The following UBR1 variants were observed in gnomAD, a reference collection of about 807,000 sequenced individuals.
UBR1 encodes the protein ubiquitin protein ligase E3 component n-recognin 1.
Under a neutral mutation model 242.1 loss-of-function variants are expected in UBR1, and 102 were observed. That is an observed-to-expected ratio of 0.42 (90% CI 0.36 to 0.50). The LOEUF is 0.50. Ranked by LOEUF, UBR1 falls within the 20% of genes least tolerant of loss-of-function variation. The pLI, the probability that UBR1 is intolerant of heterozygous loss-of-function variation, is 0.01. For synonymous variants in UBR1, 675 were observed against 684.8 expected, an observed-to-expected ratio of 0.99 and a Z score of 0.22; for missense variants, 1,772 against 2,101.8, an observed-to-expected ratio of 0.84 and a Z score of 3.07.
intron 46 of UBR1, among the ~76,000 whole-genome samples, chr15:42,947,156 A>C (rs554574184): frequency 2.6e-5 from 4 of 152,222 alleles, no homozygotes; most frequent in Non-Finnish European, 5.9e-5. Flanking sequence ...AGAAAAAAAA[A>C]GTTTCAAGTA....
rs752370199 is a variant in UBR1 at position 43,086,187 on chromosome 15, T to C, written c.135A>G (p.Gln45=). The C allele has an allele frequency of 1.9e-6, 3 of 1,614,092 alleles. No individual in the cohort carries two copies. The highest frequency in any genetic ancestry group is 2.2e-5 in the East Asian group (1 of 44,866). ...FYTAFLHHLA[Q]LVPEIYFAEM... is the part of the protein sequence containing the mutation. ...CAGCAAAGTAAATTTCTGGCACCAA[T>C]TGTGCCAAATGATGCAAGAAAGCAG... The change falls in exon 2 of 47, where the codon CAA becomes CAG. Residue 45 remains glutamine (Q), a synonymous_variant. Coordinates refer to ENST00000290650, the MANE Select transcript of UBR1 (RefSeq NM_174916.3).
chr15:42,987,711 C>A (rs1187723138), intron 35 of UBR1, among the ~76,000 whole-genome samples: 668 of 54,508 alleles, frequency 0.012, 1 homozygote, highest in South Asian at 0.019. Context: ...GACTCTGTCT[C>A]AAAAAAAAAA....
chr15:42,966,209 G>C lies in UBR1; in HGVS notation c.4535C>G (p.Ala1512Gly), dbSNP rs570338626. The change falls in exon 41 of 47, where the codon GCT becomes GGT. Residue 1512 changes from alanine (A) to glycine (G), a missense_variant. This residue lies in a region of UBR1 where 965 missense variants were observed against 1,079.7 expected (regional missense o/e 0.89). Coordinates refer to ENST00000290650, the MANE Select transcript of UBR1 (RefSeq NM_174916.3). The stretch of plus-strand genomic sequence containing the variant: ...AAGTAAATAGTGGAAAAACAATGCA[G>C]CACAGCGAAGATAAGGGGTGATGCC... Reference protein sequence around the residue: ...KNGITPYLRCAALFFHYLLGV... With the variant: ...KNGITPYLRCGALFFHYLLGV... The C allele has an allele frequency of 1.2e-6, 2 of 1,614,096 alleles. No homozygotes were observed. The highest frequency in any genetic ancestry group is 2.2e-5 in the East Asian group (1 of 44,882).
intron 44 of UBR1, among the ~76,000 whole-genome samples, chr15:42,957,423 C>T (rs2031940842): frequency 6.6e-6 from 1 of 152,120 alleles, no homozygotes; most frequent in Admixed American, 6.6e-5. Context: ...AGTTTGCAAA[C>T]TAAAGAGGTG....
intron 6 of UBR1, among the ~76,000 whole-genome samples, chr15:43,064,780 T>C (rs2033732599): frequency 6.6e-6 from 1 of 151,880 alleles, no homozygotes; most frequent in African/African-American, 2.4e-5. Flanking sequence ...TTCACCAGGT[T>C]GGCCAGACTA....
intron 35 of UBR1, among the ~76,000 whole-genome samples, chr15:42,985,200 G>A (rs1472673946): frequency 2.0e-5 from 3 of 152,056 alleles, no homozygotes; most frequent in African/African-American, 7.2e-5. Context: ...AAGAATGCTT[G>A]GGAAAAACAA....
At chr15:43,048,361 C>CT in intron 13 of UBR1, 31 bp downstream of exon 13, 1 of 1,537,580 alleles carries the variant, frequency 6.5e-7, no homozygotes, top group Non-Finnish European at 8.9e-7. Flanking sequence ...AAATAAATTT[C>CT]TTTTACTGAT....
intron 29 of UBR1, chr15:43,011,934 T>C (rs1238775383): frequency 2.2e-6 from 1 of 453,146 alleles, no homozygotes; most frequent in Non-Finnish European, 4.4e-6. Context: ...TGATGTAGAA[T>C]CTACATTATA....
chr15:42,989,311 C>T (rs1156757073), intron 34 of UBR1, among the ~76,000 whole-genome samples: 1 of 152,168 alleles, frequency 6.6e-6, no homozygotes, highest in Non-Finnish European at 1.5e-5. Flanking sequence ...TTCAGAGGAA[C>T]AGATCTAACC....
intron 6 of UBR1, among the ~76,000 whole-genome samples, chr15:43,065,406 T>C (rs778695012): frequency 3.9e-5 from 6 of 152,174 alleles, no homozygotes; most frequent in African/African-American, 7.2e-5. Flanking sequence ...GGCAGGTTTT[T>C]TACAGAGGTA....
At chr15:43,101,355 G>C (rs923639870) in intron 1 of UBR1, among the ~76,000 whole-genome samples, 5 of 152,184 alleles carry the variant, frequency 3.3e-5, no homozygotes, top group African/African-American at 1.2e-4. Context: ...AAACAGACCA[G>C]TTAGGAAGTC....
chr15:43,082,583 A>C (rs939534278), intron 3 of UBR1, 55 bp downstream of exon 3: 4 of 1,396,794 alleles, frequency 2.9e-6, no homozygotes, highest in Middle Eastern at 1.8e-4. Context: ...AAGAATTTGG[A>C]CTAGATGGCC....
intron 37 of UBR1, among the ~76,000 whole-genome samples, chr15:42,980,609 C>A (rs950573542): frequency 6.6e-6 from 1 of 152,114 alleles, no homozygotes; most frequent in Non-Finnish European, 1.5e-5. Flanking sequence ...TCCATCCATC[C>A]ATCCATCCAT....
At chr15:42,977,731 C>A in intron 38 of UBR1, 149 bp downstream of exon 38, 1 of 618,112 alleles carries the variant, frequency 1.6e-6, no homozygotes, top group Admixed American at 2.9e-5. Flanking sequence ...CAAATCTGTA[C>A]CTATTTGTAA....
intron 4 of UBR1, among the ~76,000 whole-genome samples, chr15:43,074,539 G>A (rs1241555717): frequency 6.6e-6 from 1 of 151,930 alleles, no homozygotes. Context: ...AGTGATTCTC[G>A]TGCCTCAGTC....
chr15:43,026,741 T>A, intron 22 of UBR1, 78 bp from the exon 23 acceptor site: 1 of 1,289,738 alleles, frequency 7.8e-7, no homozygotes, highest in Non-Finnish European at 1.1e-6. Context: ...ACCTAAAAAT[T>A]AATCTAGAAG....
chr15:42,992,860 A>G (rs2032577189), intron 33 of UBR1, among the ~76,000 whole-genome samples: 1 of 152,210 alleles, frequency 6.6e-6, no homozygotes, highest in African/African-American at 2.4e-5. Flanking sequence ...GCGTGAAGCC[A>G]CGAGGCAAAG....
intron 3 of UBR1, among the ~76,000 whole-genome samples, chr15:43,077,700 AACTC>A (rs2033925439): frequency 6.6e-6 from 1 of 151,460 alleles, no homozygotes. Context: ...AAAATAAAAA[AACTC>A]ATGATGATTA....
intron 8 of UBR1, 51 bp downstream of exon 8, chr15:43,059,651 T>A: frequency 6.2e-7 from 1 of 1,600,188 alleles, no homozygotes; most frequent in Non-Finnish European, 8.5e-7. Flanking sequence ...TTTGTGGCTA[T>A]AAAACACATA....
Sources: gnomAD v4.1 joint callset for allele counts (sites outside exome capture counted in the v4.1 genomes callset) on GRCh38, gnomAD v4.1.1 for gene constraint, gnomAD v4.1.1 regional missense constraint, MANE v1.5 for transcripts, NCBI Gene and HGNC (gene_info 2026-07-23, HGNC 2026-07-21) for gene names.